Variants in STXBP3 observed in about 807,000 individuals in gnomAD.
STXBP3 encodes syntaxin binding protein 3, also known as syntaxin-binding protein 3.
Under a neutral mutation model 85.7 loss-of-function variants are expected in STXBP3, and 41 were observed. The observed-to-expected ratio is 0.48, with a 90% CI of 0.37 to 0.62. The LOEUF is 0.62. STXBP3 is among the 20% of genes least tolerant of loss of function. The pLI, the probability that STXBP3 is intolerant of heterozygous loss-of-function variation, is 0.00. For synonymous variants in STXBP3, 229 were observed against 231.7 expected (o/e 0.99, Z 0.10); for missense variants, 563 against 703.1 (o/e 0.80, Z 2.25).
chr1:108,795,280 C>A (rs1663065440), intron 13 of STXBP3, among the ~76,000 whole-genome samples: 1 of 152,064 alleles, frequency 6.6e-6, no homozygotes, highest in African/African-American at 2.4e-5. Flanking sequence ...ACTGTTTAGA[C>A]CATTGCCCCT....
chr1:108,806,077 A>G (rs182139827), intron 17 of STXBP3, among the ~76,000 whole-genome samples: 6 of 151,388 alleles, frequency 4.0e-5, no homozygotes, highest in African/African-American at 1.2e-4. Flanking sequence ...TCATTTACAC[A>G]TTAATATATT....
At chr1:108,791,123 T>C (rs1662965038) in intron 11 of STXBP3, among the ~76,000 whole-genome samples, 1 of 152,212 alleles carries the variant, frequency 6.6e-6, no homozygotes. Flanking sequence ...TTTTGCTGGA[T>C]TTGGAATTCA....
Position 108,772,680 on chromosome 1 carries a change from G to A in STXBP3, c.454G>A (p.Val152Ile), listed in dbSNP as rs951202109. Residue 152 changes from valine (V) to isoleucine (I), a missense_variant, in exon 7 of 19, where the codon GTA becomes ATA. Around this residue, in one of 3 missense-constraint regions of STXBP3, gnomAD observed 494 missense variants for 592.8 expected, o/e 0.83. Transcript: ENST00000370008. ...PHESQVYTLD[V>I]PDAFYYCYSP... ...CTTAACTTAGGTGTATACTCTTGATGTACCAGATGCATTCTATTACTGTTA... is the reference window on the plus strand; with the variant it reads ...CTTAACTTAGGTGTATACTCTTGATATACCAGATGCATTCTATTACTGTTA... The A allele has an allele frequency of 1.8e-5, 27 of 1,519,122 alleles. No individual in the cohort carries two copies. Among genetic ancestry groups the A allele is most frequent in the Non-Finnish European group, 2.2e-5 (25 of 1,127,894 alleles). 94.1% of individuals were successfully genotyped at this position (1,519,122 alleles called of 1,614,324 possible). A position where few individuals can be genotyped will look rare whatever the true frequency, so the allele number is the denominator to read the frequency against.
At chr1:108,771,371 T>C (rs139899325) in intron 6 of STXBP3, among the ~76,000 whole-genome samples, 1 of 119,516 alleles carries the variant, frequency 8.4e-6, no homozygotes, top group Non-Finnish European at 1.7e-5. Context: ...TATATATCTA[T>C]ATATATATAA....
At chr1:108,790,662 A>T (rs1228674446) in intron 11 of STXBP3, among the ~76,000 whole-genome samples, 2 of 151,804 alleles carry the variant, frequency 1.3e-5, no homozygotes, top group African/African-American at 4.8e-5. Context: ...AGTCTTTTTT[A>T]AAAATAAATT....
intron 4 of STXBP3, among the ~76,000 whole-genome samples, chr1:108,757,168 A>T (rs898043730): frequency 2.7e-4 from 41 of 152,004 alleles, no homozygotes; most frequent in African/African-American, 9.9e-4. Context: ...GAAGATGGGT[A>T]TATATGTGTG....
At chr1:108,788,520 G>A (rs2101127910) in intron 11 of STXBP3, among the ~76,000 whole-genome samples, 1 of 152,236 alleles carries the variant, frequency 6.6e-6, no homozygotes, top group Non-Finnish European at 1.5e-5. Flanking sequence ...AGCAGTTCAG[G>A]CATAGAGACT....
At chr1:108,761,018 C>T (rs965135272) in intron 6 of STXBP3, among the ~76,000 whole-genome samples, 2 of 152,142 alleles carry the variant, frequency 1.3e-5, no homozygotes, top group African/African-American at 4.8e-5. Flanking sequence ...ATTCTCCTGC[C>T]TCAGCCTCCC....
Position 108,748,474 on chromosome 1 carries a change from A to G in STXBP3, c.49+1688A>G, listed in dbSNP as rs561228869. Among the ~76,000 whole-genome samples the G allele has an allele frequency of 1.1e-4, 17 of 152,208 alleles. No homozygotes were observed. The East Asian group carries it at 2.9e-3, about 26-fold the overall frequency. ...GAGGCTGAGGCTGCAGTGGACATTG[A>G]TTGTGCCACCGCACTCCAGCCTGGG... On this transcript the variant is annotated intron_variant, in intron 1 of 18. Coordinates refer to ENST00000370008, the MANE Select transcript of STXBP3 (RefSeq NM_007269.4).
intron 17 of STXBP3, among the ~76,000 whole-genome samples, chr1:108,806,052 A>T (rs2101140274): frequency 6.6e-6 from 1 of 152,362 alleles, no homozygotes; most frequent in South Asian, 2.1e-4. Flanking sequence ...ACTAATATAT[A>T]CTAGTACACA....
At position 108,808,870 on chromosome 1, in the gene STXBP3, A is replaced by G; in HGVS notation, c.1772A>G (p.Asp591Gly). The change falls in exon 19 of 19, where the codon GAT becomes GGT. Residue 591 changes from aspartate (D) to glycine (G), a missense_variant. By Grantham distance (94) the Asp-to-Gly change is moderately conservative. This residue lies in a region of STXBP3 where 494 missense variants were observed against 592.8 expected (regional missense o/e 0.83). Coordinates refer to ENST00000370008, the MANE Select transcript of STXBP3 (RefSeq NM_007269.4). ...AAGGATAAAGTCTCCTTAATTAAAGATGAATAGCATTTCTTTTTGGAGGGT... is the reference window on the plus strand; with the variant it reads ...AAGGATAAAGTCTCCTTAATTAAAGGTGAATAGCATTTCTTTTTGGAGGGT... ...KPKDKVSLIK[D>G]E is the part of the protein sequence containing the mutation. The G allele has an allele frequency of 6.2e-7, 1 of 1,600,184 alleles. No individual in the cohort carries two copies.
chr1:108,779,294 T>C lies in STXBP3; in HGVS notation c.693T>C (p.Thr231=). ...TTATCTTGTTATTCTAGGGTAAAACTCATTCACAGCTCTTAATAATTGATC... is the reference window on the plus strand; with the variant it reads ...TTATCTTGTTATTCTAGGGTAAAACCCATTCACAGCTCTTAATAATTGATC... The part of the protein sequence containing the change: ...IDEKSLIKGK[T]HSQLLIIDRG... Residue 231 remains threonine (T), a synonymous_variant, in exon 9 of 19, where the codon ACT becomes ACC. Transcript: ENST00000370008. The C allele has an allele frequency of 6.2e-7, 1 of 1,611,400 alleles. No individual in the cohort carries two copies. The highest frequency in any genetic ancestry group is 1.1e-5 in the South Asian group (1 of 90,362).
Position 108,779,320 on chromosome 1 carries a change from G to A in STXBP3, c.719G>A (p.Arg240His). ...CATTCACAGCTCTTAATAATTGATC[G>A]TGGCTTTGATCCTGTGTCCACTGTC... is the stretch of plus-strand genomic sequence containing the variant. ...KTHSQLLIID[R>H]GFDPVSTVLH... The change falls in exon 9 of 19, where the codon CGT becomes CAT. Residue 240 changes from arginine (R) to histidine (H), a missense_variant. Arg to His is a conservative substitution (Grantham distance 29). Around this residue, in one of 3 missense-constraint regions of STXBP3, gnomAD observed 494 missense variants for 592.8 expected, o/e 0.83. Coordinates refer to ENST00000370008, the MANE Select transcript of STXBP3 (RefSeq NM_007269.4). The A allele has an allele frequency of 5.0e-6, 8 of 1,612,814 alleles. No homozygotes were observed. Among genetic ancestry groups the A allele is most frequent in the Non-Finnish European group, 5.9e-6 (7 of 1,179,238 alleles).
intron 11 of STXBP3, among the ~76,000 whole-genome samples, chr1:108,792,272 T>C (rs1327680538): frequency 6.6e-6 from 1 of 152,198 alleles, no homozygotes; most frequent in Admixed American, 6.5e-5. Flanking sequence ...GTTTCCACTT[T>C]AACATAAATG....
chr1:108,798,409 T>C (rs993889069), intron 16 of STXBP3, among the ~76,000 whole-genome samples, 172 bp downstream of exon 16: 7 of 146,510 alleles, frequency 4.8e-5, no homozygotes, highest in Non-Finnish European at 7.5e-5. Context: ...TCTTCTTCTT[T>C]TTTTTTTTTT....
chr1:108,765,141 T>G (rs916462065), intron 6 of STXBP3, among the ~76,000 whole-genome samples: 4 of 152,190 alleles, frequency 2.6e-5, no homozygotes, highest in African/African-American at 9.6e-5. Context: ...AGGGAGTCCT[T>G]TCCACATTGT....
At chr1:108,768,652 CAG>C (rs1160527219) in intron 6 of STXBP3, among the ~76,000 whole-genome samples, 1 of 152,042 alleles carries the variant, frequency 6.6e-6, no homozygotes, top group Admixed American at 6.6e-5. Context: ...AAAATAATGA[CAG>C]AAAATTAGCT....
intron 17 of STXBP3, among the ~76,000 whole-genome samples, chr1:108,803,979 A>G (rs1323794610): frequency 6.6e-6 from 1 of 152,094 alleles, no homozygotes. Flanking sequence ...CTTTGTAAAT[A>G]ATTAACCTTT....
chr1:108,776,284 G>A, intron 7 of STXBP3, 49 bp from the exon 8 acceptor site: 3 of 1,284,192 alleles, frequency 2.3e-6, no homozygotes, highest in Non-Finnish European at 3.3e-6. Context: ...ATATTATAAA[G>A]TATACACTGA....
Sources: gnomAD v4.1 joint callset for allele counts (sites outside exome capture counted in the v4.1 genomes callset) on GRCh38, gnomAD v4.1.1 for gene constraint, gnomAD v4.1.1 regional missense constraint, MANE v1.5 for transcripts, NCBI Gene and HGNC (gene_info 2026-07-23, HGNC 2026-07-21) for gene names.